Variants in GALNT18 observed in about 807,000 individuals in gnomAD.
GALNT18 encodes GalNAc-transferase 18.
GALNT18 carries 44 observed loss-of-function variants against 69.5 expected under a neutral mutation model. That is an observed-to-expected ratio of 0.63 (90% CI 0.50 to 0.81). GALNT18 has a LOEUF of 0.81. Ranked by LOEUF, GALNT18 falls within the 40% of genes least tolerant of loss-of-function variation. GALNT18 has a pLI of 0.00. For synonymous variants in GALNT18, 364 were observed against 318.2 expected, an observed-to-expected ratio of 1.14 and a Z score of -1.53; for missense variants, 715 against 810.0, an observed-to-expected ratio of 0.88 and a Z score of 1.42.
Position 11,463,248 on chromosome 11 carries a change from A to C in GALNT18, c.236-14312T>G, listed in dbSNP as rs920229765. ...CACAGAGAGAGAGAGAGAGAGTTCC[A>C]GAAGCCCGCAGCAGCCTACAAAAGC... On this transcript the variant is annotated intron_variant, in intron 1 of 10. Transcript: ENST00000227756. The surrounding 1 kb of genome is among the most constrained non-coding windows in gnomAD (Gnocchi z 4.2). Among the ~76,000 whole-genome samples the C allele has an allele frequency of 2.6e-5, 4 of 152,254 alleles. No homozygotes were observed. The highest frequency in any genetic ancestry group is 9.6e-5 in the African/African-American group (4 of 41,552).
chr11:11,493,208 C>A (rs755160499), intron 1 of GALNT18, among the ~76,000 whole-genome samples: 1 of 140,618 alleles, frequency 7.1e-6, no homozygotes, highest in Non-Finnish European at 1.5e-5. Flanking sequence ...TTGAAGTGAG[C>A]CAAGATCGCG....
intron 3 of GALNT18, among the ~76,000 whole-genome samples, chr11:11,408,593 A>G (rs1476867556): frequency 6.6e-6 from 1 of 151,954 alleles, no homozygotes; most frequent in Non-Finnish European, 1.5e-5. Flanking sequence ...ACTTAAACAA[A>G]TGTTTCTTAT....
intron 1 of GALNT18, among the ~76,000 whole-genome samples, chr11:11,544,494 C>T (rs1858000760): frequency 6.6e-6 from 1 of 152,198 alleles, no homozygotes; most frequent in African/African-American, 2.4e-5. Flanking sequence ...CACTGGGGTA[C>T]AGTGGGAAGC....
In GALNT18 at chr11:11,430,122, C is replaced by A. The variant is rs1028440504; in HGVS notation, c.595+2499G>T. ...TTCCAGCCTGGGCAACAGAGCAAGA[C>A]CCTGTCTCAAAAAAAACCAAAATAA... On this transcript the variant is annotated intron_variant, in intron 3 of 10. Coordinates refer to ENST00000227756, the MANE Select transcript of GALNT18 (RefSeq NM_198516.3). This position sits in a 1 kb window ranked among gnomAD's most constrained non-coding sequence, Gnocchi z 4.9. 6.6e-6 allele frequency among the ~76,000 whole-genome samples: 1 copy of A among 152,062 alleles called. No homozygotes were observed. The highest frequency in any genetic ancestry group is 2.4e-5 in the African/African-American group (1 of 41,388).
Position 11,459,019 on chromosome 11 carries a change from A to G in GALNT18, c.236-10083T>C, listed in dbSNP as rs1239388265. Reference sequence around the variant, plus strand: ...GCGAGAAGGGGGACTTCGGCACATCATAGCGGTACTCTTCTTATATCCAGC... The same window carrying G: ...GCGAGAAGGGGGACTTCGGCACATCGTAGCGGTACTCTTCTTATATCCAGC... On this transcript the variant is annotated intron_variant, in intron 1 of 10. Transcript: ENST00000227756. This position sits in a 1 kb window ranked among gnomAD's most constrained non-coding sequence, Gnocchi z 5.0. Among the ~76,000 whole-genome samples, 1 of 152,174 alleles carries G rather than the reference A, an allele frequency of 6.6e-6. No individual in the cohort carries two copies. The highest frequency in any genetic ancestry group is 2.4e-5 in the African/African-American group (1 of 41,446).
At chr11:11,453,220 C>T (rs375585732) in intron 1 of GALNT18, among the ~76,000 whole-genome samples, 1 of 152,144 alleles carries the variant, frequency 6.6e-6, no homozygotes, top group African/African-American at 2.4e-5. Flanking sequence ...CCTGAGGAGA[C>T]CCCTGGGCCA....
intron 10 of GALNT18, among the ~76,000 whole-genome samples, chr11:11,284,358 C>T (rs1047400365): frequency 2.6e-5 from 4 of 152,150 alleles, no homozygotes; most frequent in Admixed American, 2.6e-4. Context: ...TAGATCACTG[C>T]CCCTCTCACT....
At position 11,389,211 on chromosome 11, in the gene GALNT18, C is replaced by T. The variant is rs1265639269; in HGVS notation, c.596-9947G>A. Among the ~76,000 whole-genome samples, 2 of 152,204 alleles carry T rather than the reference C, an allele frequency of 1.3e-5. No individual in the cohort carries two copies. The highest frequency in any genetic ancestry group is 2.1e-4 in the South Asian group (1 of 4,832). ...GGAAGGAGCAGGATTCGAACTCAGG[C>T]CTGCTTGCCTCTGAAGACTTGGCTC... On this transcript the variant is annotated intron_variant, in intron 3 of 10. Coordinates refer to ENST00000227756, the MANE Select transcript of GALNT18 (RefSeq NM_198516.3). The surrounding 1 kb of genome is among the most constrained non-coding windows in gnomAD (Gnocchi z 4.3).
At chr11:11,610,678 C>T (rs1859875684) in intron 1 of GALNT18, among the ~76,000 whole-genome samples, 1 of 152,172 alleles carries the variant, frequency 6.6e-6, no homozygotes, top group African/African-American at 2.4e-5. Context: ...CATTCTATGT[C>T]ATAATTCCCA....
intron 2 of GALNT18, among the ~76,000 whole-genome samples, chr11:11,434,836 A>G (rs1457372680): frequency 6.6e-6 from 1 of 152,214 alleles, no homozygotes; most frequent in Non-Finnish European, 1.5e-5. Flanking sequence ...GAAAAATGTG[A>G]ATACAATTTT....
intron 10 of GALNT18, among the ~76,000 whole-genome samples, chr11:11,288,350 G>T (rs1175247725): frequency 6.6e-6 from 1 of 152,110 alleles, no homozygotes; most frequent in Non-Finnish European, 1.5e-5. Context: ...CTCTACTTGG[G>T]ATGTTCTATG....
intron 9 of GALNT18, among the ~76,000 whole-genome samples, chr11:11,311,004 G>A (rs10765832): frequency 2.0e-5 from 3 of 151,858 alleles, no homozygotes; most frequent in South Asian, 4.2e-4. Flanking sequence ...TTACTCTCCC[G>A]TCTCAGATTC....
In GALNT18 at chr11:11,413,823, G is replaced by A. The variant is rs1037215260; in HGVS notation, c.595+18798C>T. On this transcript the variant is annotated intron_variant, in intron 3 of 10. Transcript: ENST00000227756. The surrounding 1 kb of genome is among the most constrained non-coding windows in gnomAD (Gnocchi z 4.7). ...GGCTCAGCCTGTCCTGACCTCTTCC[G>A]AGAGCCTGGGTATCCGCTCTGTTCA... 6.6e-6 allele frequency among the ~76,000 whole-genome samples: 1 copy of A among 152,184 alleles called. No homozygotes were observed. Among genetic ancestry groups the A allele is most frequent in the East Asian group, 1.9e-4 (1 of 5,194 alleles).
At chr11:11,514,291 C>G (rs1051096272) in intron 1 of GALNT18, among the ~76,000 whole-genome samples, 2 of 152,192 alleles carry the variant, frequency 1.3e-5, no homozygotes, top group African/African-American at 4.8e-5. Context: ...CAGGCTGGCC[C>G]TGCAGGGAAA....
At chr11:11,329,505 G>T (rs1427957434) in intron 8 of GALNT18, among the ~76,000 whole-genome samples, 2 of 152,146 alleles carry the variant, frequency 1.3e-5, no homozygotes, top group African/African-American at 4.8e-5. Context: ...CCTCCTCTTT[G>T]CCTCTTCCCT....
At position 11,356,652 on chromosome 11, in the gene GALNT18, G is replaced by A. The variant is rs1356941048; in HGVS notation, c.1093-15648C>T. 2.0e-5 allele frequency among the ~76,000 whole-genome samples: 3 copies of A among 151,862 alleles called. No individual in the cohort carries two copies. Among genetic ancestry groups the A allele is most frequent in the Admixed American group, 2.0e-4 (3 of 15,240 alleles). ...TTAAGAAGGTAAAAATTTCCTTCAG[G>A]TTGACTCCCCAAATCCTTCATCAAT... On this transcript the variant is annotated intron_variant, in intron 6 of 10. Coordinates refer to ENST00000227756, the MANE Select transcript of GALNT18 (RefSeq NM_198516.3). The surrounding 1 kb of genome is among the most constrained non-coding windows in gnomAD (Gnocchi z 4.4).
chr11:11,412,011 T>C (rs1399568980), intron 3 of GALNT18, among the ~76,000 whole-genome samples: 1 of 152,054 alleles, frequency 6.6e-6, no homozygotes, highest in African/African-American at 2.4e-5. Context: ...TCAAAAAAGG[T>C]AGGGCTTGGA....
chr11:11,324,188 T>C (rs1003849614), intron 9 of GALNT18, among the ~76,000 whole-genome samples: 1 of 145,982 alleles, frequency 6.9e-6, no homozygotes. Context: ...AATAAGTTTA[T>C]GTGGTTTAAG....
rs930623127 is a variant in GALNT18 at position 11,341,220 on chromosome 11, C to T, written c.1093-216G>A. Among the ~76,000 whole-genome samples, 1 of 152,192 alleles carries T rather than the reference C, an allele frequency of 6.6e-6. No individual in the cohort carries two copies. Among genetic ancestry groups the T allele is most frequent in the African/African-American group, 2.4e-5 (1 of 41,426 alleles). On this transcript the variant is annotated intron_variant, in intron 6 of 10. Transcript: ENST00000227756. The surrounding 1 kb of genome is among the most constrained non-coding windows in gnomAD (Gnocchi z 6.3). ...TTAATTCATATATTGGCTCTTATTG[C>T]TGTGGATTTACCAACAAAAAAAATG...
Sources: allele counts gnomAD v4.1 joint callset (sites outside exome capture counted in the v4.1 genomes callset), GRCh38; gene constraint gnomAD v4.1.1; non-coding constraint Gnocchi (gnomAD v3.1); transcripts MANE v1.5; gene names NCBI Gene and HGNC (gene_info 2026-07-23, HGNC 2026-07-21).